ZDHHC21: variants seen among roughly 807,000 people sequenced by gnomAD.
ZDHHC21 encodes palmitoyltransferase ZDHHC21.
ZDHHC21 carries 15 observed loss-of-function variants against 34.6 expected under a neutral mutation model. That is an observed-to-expected ratio of 0.43 (90% CI 0.29 to 0.67). The LOEUF (loss-of-function observed/expected upper bound fraction) is 0.67. Ranked by LOEUF, ZDHHC21 falls within the 30% of genes least tolerant of loss-of-function variation. The pLI is 0.14. For missense variants in ZDHHC21, 344 were observed against 327.7 expected (o/e 1.05, Z -0.38); for synonymous variants, 142 against 101.8 (o/e 1.40, Z -2.38).
intron 4 of ZDHHC21, among the ~76,000 whole-genome samples, chr9:14,673,509 G>C (rs922189507): frequency 4.6e-5 from 7 of 151,284 alleles, no homozygotes; most frequent in African/African-American, 1.7e-4. Flanking sequence ...AGTAAGAATA[G>C]AGAAATTCTG....
At chr9:14,622,446 G>T in intron 8 of ZDHHC21, 1 of 819,500 alleles carries the variant, frequency 1.2e-6, no homozygotes, top group Non-Finnish European at 1.5e-6. Flanking sequence ...AGGAGAAAGA[G>T]ATATCTCTTG....
intron 7 of ZDHHC21, among the ~76,000 whole-genome samples, chr9:14,658,313 T>A (rs990752347): frequency 1.3e-5 from 2 of 152,116 alleles, no homozygotes; most frequent in Non-Finnish European, 2.9e-5. Flanking sequence ...TCAATCCCAA[T>A]ATAGTTCAAA....
intron 7 of ZDHHC21, among the ~76,000 whole-genome samples, chr9:14,658,039 T>C (rs57552216): frequency 0.06 from 9,213 of 152,314 alleles, 334 homozygotes; most frequent in Admixed American, 0.12. Flanking sequence ...AAATTCATGA[T>C]ATCATTACTG....
chr9:14,687,065 G>A (rs1328885305), intron 2 of ZDHHC21, among the ~76,000 whole-genome samples: 2 of 150,592 alleles, frequency 1.3e-5, no homozygotes, highest in African/African-American at 2.5e-5. Flanking sequence ...AGAATTAAAT[G>A]TGGTACAACC....
chr9:14,683,569 AC>A, intron 2 of ZDHHC21: 1 of 152,260 alleles, frequency 6.6e-6, no homozygotes, highest in South Asian at 2.1e-4. Flanking sequence ...TAGCTTACCA[AC>A]CAAAAAAAAG....
intron 7 of ZDHHC21, among the ~76,000 whole-genome samples, chr9:14,643,991 T>A (rs1386501784): frequency 6.6e-6 from 1 of 152,208 alleles, no homozygotes; most frequent in African/African-American, 2.4e-5. Flanking sequence ...TAATTTGTAT[T>A]TGCATAAAAA....
At chr9:14,672,734 G>A in intron 5 of ZDHHC21, 96 bp downstream of exon 5, 1 of 795,948 alleles carries the variant, frequency 1.3e-6, no homozygotes, top group Non-Finnish European at 2.0e-6. Flanking sequence ...GGTGTTAGAT[G>A]ACATTTATAA....
intron 2 of ZDHHC21, among the ~76,000 whole-genome samples, chr9:14,686,991 A>C (rs937962715): frequency 6.7e-6 from 1 of 150,002 alleles, no homozygotes; most frequent in Non-Finnish European, 1.5e-5. Context: ...AAAAAAAAAA[A>C]CAATGTTAAA....
chr9:14,595,994 G>T, the ZDHHC21 span, among the ~76,000 whole-genome samples: 2 of 152,298 alleles, frequency 1.3e-5, no homozygotes, highest in African/African-American at 4.8e-5. Context: ...AAAATGGCAT[G>T]ATCATGAAAA....
Position 14,619,701 on chromosome 9 carries a change from T to C in ZDHHC21, c.622-19A>G, listed in dbSNP as rs1390696892. The C allele has an allele frequency of 5.5e-6, 7 of 1,277,010 alleles. No individual in the cohort carries two copies. The South Asian group carries it at 9.3e-5, about 17-fold the overall frequency. 79.1% of individuals were successfully genotyped at this position (1,277,010 alleles called of 1,614,324 possible). On this transcript the variant is annotated intron_variant, in intron 8 of 9. Transcript: ENST00000380916. ...TTGTATCCTATTAAAAATAAAAAAT[T>C]ATATTCAGATGTAAGAAAGTTATTA...
At chr9:14,688,651 C>T (rs747844046) in intron 2 of ZDHHC21, among the ~76,000 whole-genome samples, 5 of 152,124 alleles carry the variant, frequency 3.3e-5, no homozygotes, top group Non-Finnish European at 7.4e-5. Context: ...CACCTGAGGT[C>T]AGGAGTTCAA....
intron 7 of ZDHHC21, among the ~76,000 whole-genome samples, chr9:14,643,851 C>A (rs1478318639): frequency 2.6e-5 from 4 of 152,136 alleles, no homozygotes; most frequent in Admixed American, 2.0e-4. Context: ...TACTCTTGTT[C>A]CCTTGGTTTG....
chr9:14,631,560 G>A (rs909882062), intron 8 of ZDHHC21, among the ~76,000 whole-genome samples: 3 of 152,108 alleles, frequency 2.0e-5, no homozygotes, highest in African/African-American at 7.2e-5. Flanking sequence ...TTGGCAATTT[G>A]GCACAAGAGG....
chr9:14,601,317 C>G, the ZDHHC21 span, among the ~76,000 whole-genome samples: 1 of 151,916 alleles, frequency 6.6e-6, no homozygotes, highest in Non-Finnish European at 1.5e-5. Flanking sequence ...AAAAACAACC[C>G]CATCAAAAAG....
the ZDHHC21 span, chr9:14,589,111 G>C: frequency 2.0e-5 from 3 of 152,108 alleles, no homozygotes; most frequent in African/African-American, 7.2e-5. Flanking sequence ...CATTCATAAA[G>C]CACTGGGGTA....
chr9:14,688,443 C>T (rs1464529561), intron 2 of ZDHHC21, among the ~76,000 whole-genome samples: 1 of 150,806 alleles, frequency 6.6e-6, no homozygotes, highest in Non-Finnish European at 1.5e-5. Flanking sequence ...TTTAACAATA[C>T]CCCAGGGCCT....
At chr9:14,608,060 G>C (rs1438712346), downstream of ZDHHC21, among the ~76,000 whole-genome samples, 1 of 152,118 alleles carries the variant, frequency 6.6e-6, no homozygotes, top group Non-Finnish European at 1.5e-5. Context: ...CAAGTTACAA[G>C]TGCAGACCAT....
In ZDHHC21 at chr9:14,683,203, G is replaced by A. The variant is rs199649191; in HGVS notation, c.-175-3041C>T. On this transcript the variant is annotated intron_variant, in intron 2 of 9. Transcript: ENST00000380916. ...CTAAGATCAAAGCAGAACTGAAGGAGATAGAGAGACAAAAAACCCTTCAAA... is the reference window on the plus strand; with the variant it reads ...CTAAGATCAAAGCAGAACTGAAGGAAATAGAGAGACAAAAAACCCTTCAAA... Among the ~76,000 whole-genome samples the A allele has an allele frequency of 2.0e-5, 3 of 152,130 alleles. No homozygotes were observed. The East Asian group carries it at 5.8e-4, about 29-fold the overall frequency.
the ZDHHC21 span, among the ~76,000 whole-genome samples, chr9:14,600,645 C>G: frequency 6.6e-6 from 1 of 152,020 alleles, no homozygotes; most frequent in African/African-American, 2.4e-5. Context: ...CTAGAAAATA[C>G]TACTTTAAAT....
Sources: allele counts gnomAD v4.1 joint callset (sites outside exome capture counted in the v4.1 genomes callset), GRCh38; gene constraint gnomAD v4.1.1; transcripts MANE v1.5; gene names NCBI Gene and HGNC (gene_info 2026-07-23, HGNC 2026-07-21).